ADCY2: variants seen among roughly 807,000 people sequenced by gnomAD.
The protein encoded by ADCY2 is adenylate cyclase 2, also known as adenylate cyclase type 2.
A neutral mutation model predicts 125.2 loss-of-function variants in ADCY2; 31 were observed. That is an observed-to-expected ratio of 0.25 (90% confidence interval 0.19 to 0.33). ADCY2 has a LOEUF of 0.33. Ranked by LOEUF, ADCY2 falls within the 10% of genes least tolerant of loss-of-function variation. The pLI, the probability that ADCY2 is intolerant of heterozygous loss-of-function variation, is 1.00. For missense variants in ADCY2, 904 were observed against 1,418.2 expected (o/e 0.64, Z 5.82); for synonymous variants, 512 against 548.4 (o/e 0.93, Z 0.93).
intron 2 of ADCY2, among the ~76,000 whole-genome samples, chr5:7,508,602 T>G (rs1387338337): frequency 6.6e-6 from 1 of 152,142 alleles, no homozygotes; most frequent in Non-Finnish European, 1.5e-5. Context: ...AGTTCTGAAC[T>G]GGCAAGGTGT....
intron 2 of ADCY2, among the ~76,000 whole-genome samples, chr5:7,432,631 C>T (rs115524616): frequency 0.011 from 1,648 of 152,292 alleles, 39 homozygotes; most frequent in African/African-American, 0.038. Flanking sequence ...TCAGTTCCTG[C>T]CCATGAAGGG....
At chr5:7,647,798 T>G (rs1378765431) in intron 4 of ADCY2, among the ~76,000 whole-genome samples, 3 of 152,238 alleles carry the variant, frequency 2.0e-5, no homozygotes, top group Admixed American at 6.5e-5. Flanking sequence ...CAAAGACTCA[T>G]CAATCCTATC....
intron 7 of ADCY2, among the ~76,000 whole-genome samples, chr5:7,701,919 G>A (rs1374769044): frequency 6.6e-6 from 1 of 152,062 alleles, no homozygotes; most frequent in African/African-American, 2.4e-5. Flanking sequence ...TCTTATGTGT[G>A]CAGAATCTCA....
intron 4 of ADCY2, among the ~76,000 whole-genome samples, chr5:7,655,562 C>A (rs1739291374): frequency 6.6e-6 from 1 of 152,180 alleles, no homozygotes; most frequent in African/African-American, 2.4e-5. Flanking sequence ...TCTTCTGGCC[C>A]TCAGTAGAGA....
At chr5:7,673,267 A>ATATATAT (rs1561158726) in intron 4 of ADCY2, among the ~76,000 whole-genome samples, 1 of 3,380 alleles carries the variant, frequency 3.0e-4, no homozygotes, top group Non-Finnish European at 8.3e-4. Flanking sequence ...AAAAAAAAAA[A>ATATATAT]AAATATATAT....
intron 1 of ADCY2, 64 bp from the exon 2 acceptor site, chr5:7,414,509 T>C (rs1010333489): frequency 1.8e-5 from 25 of 1,369,908 alleles, no homozygotes; most frequent in Middle Eastern, 1.9e-4. Flanking sequence ...TTTAACAACA[T>C]AAATCATTGG....
chr5:7,640,256 C>A (rs1579265729), intron 4 of ADCY2, among the ~76,000 whole-genome samples: 1 of 152,248 alleles, frequency 6.6e-6, no homozygotes, highest in East Asian at 1.9e-4. Flanking sequence ...TTACGAGTGG[C>A]TATTGCAAGG....
Position 7,396,848 on chromosome 5 carries a change from C to G in ADCY2, c.210+342C>G, listed in dbSNP as rs1378987268. Among the ~76,000 whole-genome samples the G allele has an allele frequency of 1.3e-5, 2 of 152,206 alleles. No individual in the cohort carries two copies. The highest frequency in any genetic ancestry group is 2.9e-5 in the Non-Finnish European group (2 of 68,034). ...CCGCCGGGCACCGCTGCCCGCAGCGCTGGAATAGGTCTTCCCCGACTCAGC... is the reference window on the plus strand; with the variant it reads ...CCGCCGGGCACCGCTGCCCGCAGCGGTGGAATAGGTCTTCCCCGACTCAGC... On this transcript the variant is annotated intron_variant, in intron 1 of 24. Coordinates refer to ENST00000338316, the MANE Select transcript of ADCY2 (RefSeq NM_020546.3). The surrounding 1 kb of genome is among the most constrained non-coding windows in gnomAD (Gnocchi z 5.7).
chr5:7,566,588 AGT>A (rs908157347), intron 3 of ADCY2, among the ~76,000 whole-genome samples: 3 of 152,106 alleles, frequency 2.0e-5, no homozygotes, highest in Non-Finnish European at 4.4e-5. Context: ...CTTCTTACTA[AGT>A]GTGTTTGTAG....
At chr5:7,789,244 GT>G (rs1268511166) in intron 19 of ADCY2, among the ~76,000 whole-genome samples, 1 of 152,198 alleles carries the variant, frequency 6.6e-6, no homozygotes, top group African/African-American at 2.4e-5. Flanking sequence ...GAACAATACA[GT>G]TTTTATTCAA....
chr5:7,646,112 T>A (rs16878887), intron 4 of ADCY2, among the ~76,000 whole-genome samples: 8,567 of 151,762 alleles, frequency 0.056, 797 homozygotes, highest in African/African-American at 0.19. Flanking sequence ...AGAGAAAAAA[T>A]GTTGGGATTT....
At chr5:7,666,029 A>T (rs375639808) in intron 4 of ADCY2, among the ~76,000 whole-genome samples, 6 of 149,196 alleles carry the variant, frequency 4.0e-5, no homozygotes, top group African/African-American at 1.5e-4. Context: ...TAGTAGAGAC[A>T]GGGTTTCACC....
chr5:7,686,553 A>G (rs1294672986), intron 4 of ADCY2, among the ~76,000 whole-genome samples: 1 of 152,240 alleles, frequency 6.6e-6, no homozygotes, highest in Non-Finnish European at 1.5e-5. Flanking sequence ...TACTAGAAAG[A>G]GAAAGAAGTA....
chr5:7,508,404 C>T (rs2126515344), intron 2 of ADCY2, among the ~76,000 whole-genome samples: 1 of 152,254 alleles, frequency 6.6e-6, no homozygotes, highest in Non-Finnish European at 1.5e-5. Context: ...TCTGTGTTAG[C>T]CTTCTCCACA....
At chr5:7,498,410 G>A (rs891835178) in intron 2 of ADCY2, among the ~76,000 whole-genome samples, 4 of 151,754 alleles carry the variant, frequency 2.6e-5, no homozygotes, top group Non-Finnish European at 5.9e-5. Flanking sequence ...CACCGCACCT[G>A]GCTAATTTTT....
At chr5:7,414,450 C>A in intron 1 of ADCY2, 123 bp from the exon 2 acceptor site, 1 of 813,162 alleles carries the variant, frequency 1.2e-6, no homozygotes, top group Non-Finnish European at 1.9e-6. Flanking sequence ...ACTTTCAAAA[C>A]AATTTCTTAA....
chr5:7,752,390 C>T (rs887643657), intron 15 of ADCY2, among the ~76,000 whole-genome samples: 17 of 152,104 alleles, frequency 1.1e-4, no homozygotes, highest in African/African-American at 3.6e-4. Context: ...ACTATATTTT[C>T]CAAGCAAGAT....
Position 7,414,711 on chromosome 5 carries a change from C to A in ADCY2, c.349C>A (p.Leu117Ile). 1 of 1,613,846 alleles carries A rather than the reference C, an allele frequency of 6.2e-7. No individual in the cohort carries two copies. Among genetic ancestry groups the A allele is most frequent in the Non-Finnish European group, 8.5e-7 (1 of 1,179,950 alleles). ...RLFSLVIWIC[L>I]VAMGYLFMCF... ...CTTCTCGTTGGTGATATGGATATGC[C>A]TTGTTGCCATGGGATACCTGTTCAT... Residue 117 changes from leucine to isoleucine, a missense_variant, in exon 2 of 25, where the codon CTT becomes ATT. This residue lies in a region of ADCY2 where 121 missense variants were observed against 161.5 expected (regional missense o/e 0.75). Coordinates refer to ENST00000338316, the MANE Select transcript of ADCY2 (RefSeq NM_020546.3).
At chr5:7,509,013 T>G (rs1302299988) in intron 2 of ADCY2, among the ~76,000 whole-genome samples, 1 of 152,156 alleles carries the variant, frequency 6.6e-6, no homozygotes, top group Non-Finnish European at 1.5e-5. Context: ...GTAGAAAGTT[T>G]GCAGACTTTA....
Sources: allele counts gnomAD v4.1 joint callset (sites outside exome capture counted in the v4.1 genomes callset), GRCh38; gene constraint gnomAD v4.1.1; regional missense constraint gnomAD v4.1.1; non-coding constraint Gnocchi (gnomAD v3.1); transcripts MANE v1.5; gene names NCBI Gene and HGNC (gene_info 2026-07-23, HGNC 2026-07-21).